Variants in PPP1R7 observed in about 807,000 individuals in gnomAD.
The protein encoded by PPP1R7 is protein phosphatase 1 regulatory subunit 22.
PPP1R7 carries 18 observed loss-of-function variants against 45.2 expected under a neutral mutation model. That is an observed-to-expected ratio of 0.40 (90% CI 0.28 to 0.59). PPP1R7 has a LOEUF of 0.59. PPP1R7 is among the 20% of genes least tolerant of loss of function. PPP1R7 has a pLI of 0.46. For missense variants in PPP1R7, 314 were observed against 455.8 expected (o/e 0.69, Z 2.83); for synonymous variants, 181 against 183.4 (o/e 0.99, Z 0.11).
upstream of PPP1R7, chr2:241,149,925 G>A: frequency 7.0e-7 from 1 of 1,430,576 alleles, no homozygotes; most frequent in Non-Finnish European, 9.1e-7. Context: ...CTGCCCGCCT[G>A]CTCCGAGCGT....
At chr2:241,171,554 C>T (rs1476745401) in intron 9 of PPP1R7, among the ~76,000 whole-genome samples, 1 of 152,194 alleles carries the variant, frequency 6.6e-6, no homozygotes, top group Admixed American at 6.5e-5. Context: ...GAAAACCAGT[C>T]TTAACAAGTT....
At chr2:241,165,153 T>G (rs2067677587) in intron 7 of PPP1R7, among the ~76,000 whole-genome samples, 1 of 152,208 alleles carries the variant, frequency 6.6e-6, no homozygotes, top group South Asian at 2.1e-4. Flanking sequence ...ATGTATCTTT[T>G]AACAATGAGT....
chr2:241,178,221 A>G (rs188212769), intron 9 of PPP1R7, among the ~76,000 whole-genome samples: 4 of 152,304 alleles, frequency 2.6e-5, no homozygotes, highest in Admixed American at 2.6e-4. Flanking sequence ...CCTTCAGTCT[A>G]GTGATGGCCA....
upstream of PPP1R7, chr2:241,150,314 A>G: frequency 7.5e-7 from 1 of 1,330,046 alleles, no homozygotes; most frequent in Non-Finnish European, 9.6e-7. Flanking sequence ...GCTCTGGGGG[A>G]GGCGCGGCGC....
chr2:241,158,685 G>A, intron 4 of PPP1R7, 136 bp downstream of exon 4: 1 of 805,432 alleles, frequency 1.2e-6, no homozygotes, highest in Non-Finnish European at 2.0e-6. Context: ...CTTGTAGCAG[G>A]CCTTTCTTTA....
chr2:241,163,471 G>A, intron 7 of PPP1R7, 70 bp downstream of exon 7: 1 of 1,080,954 alleles, frequency 9.3e-7, no homozygotes, highest in Non-Finnish European at 1.4e-6. Context: ...CACAATCTTA[G>A]TTTTTATCCT....
chr2:241,160,632 A>G (rs1234156299), intron 6 of PPP1R7, 138 bp downstream of exon 6: 2 of 843,050 alleles, frequency 2.4e-6, no homozygotes, highest in Non-Finnish European at 3.5e-6. Flanking sequence ...GAACAAGGAA[A>G]TTACTATTTT....
rs778183932 is a variant in PPP1R7, at chr2:241,166,444, A to G, written c.819+3A>G. On this transcript the variant is annotated splice_donor_region_variant and intron_variant, in intron 8 of 9. Transcript: ENST00000234038. ...TCATCGAGGGCCTGGAGAACAATGT[A>G]AGACACCCACTGTCTGTCTGGGGCT... The G allele has an allele frequency of 1.2e-6, 2 of 1,612,782 alleles. No homozygotes were observed. The highest frequency in any genetic ancestry group is 1.7e-6 in the Non-Finnish European group (2 of 1,179,278).
chr2:241,173,990 C>T (rs752391816), intron 9 of PPP1R7, among the ~76,000 whole-genome samples: 4 of 150,514 alleles, frequency 2.7e-5, no homozygotes, highest in South Asian at 2.1e-4. Flanking sequence ...TCCTTCTTCA[C>T]GTCTTGTAAT....
chr2:241,178,022 C>G (rs994243366), intron 9 of PPP1R7, among the ~76,000 whole-genome samples: 18 of 152,238 alleles, frequency 1.2e-4, no homozygotes, highest in African/African-American at 4.3e-4. Context: ...CTTCCTCAGC[C>G]CTCTTGATGG....
rs13399518 is a variant in PPP1R7 at position 241,172,560 on chromosome 2, C to T, written c.906+2693C>T. ...TCAGGAGGCTAAGGCACGACAATCACTTGAACCTGGCAAGTGGAGATTGCA... is the reference window on the plus strand; with the variant it reads ...TCAGGAGGCTAAGGCACGACAATCATTTGAACCTGGCAAGTGGAGATTGCA... On this transcript the variant is annotated intron_variant, in intron 9 of 9. Coordinates refer to ENST00000234038, the MANE Select transcript of PPP1R7 (RefSeq NM_002712.3). Among the ~76,000 whole-genome samples, 1,361 of 151,834 alleles carry T rather than the reference C, an allele frequency of 9.0e-3. 24 individuals carry two copies. The highest frequency in any genetic ancestry group is 0.03 in the African/African-American group (1,262 of 41,414).
At chr2:241,177,630 G>T (rs768248342) in intron 9 of PPP1R7, among the ~76,000 whole-genome samples, 1 of 152,182 alleles carries the variant, frequency 6.6e-6, no homozygotes, top group Non-Finnish European at 1.5e-5. Flanking sequence ...ATAGGTGGAG[G>T]ATAGCAATAC....
At chr2:241,150,432 C>A (rs114714733), upstream of PPP1R7, 14 of 1,357,810 alleles carry the variant, frequency 1.0e-5, no homozygotes, top group Non-Finnish European at 1.3e-5. Context: ...GGCTCTGAGG[C>A]GGGAGCCCTG....
In PPP1R7 at chr2:241,159,323, G is replaced by A; in HGVS notation, c.414G>A (p.Leu138=). The change falls in exon 5 of 10, where the codon CTG becomes CTA. Residue 138 remains leucine, a synonymous_variant. Coordinates refer to ENST00000234038, the MANE Select transcript of PPP1R7 (RefSeq NM_002712.3). ...YDNQIKKIEN[L]EALTELEILD... is the part of the protein sequence containing the mutation. ...ACCAGATCAAGAAGATTGAGAATCT[G>A]GAGGCGCTAACAGAGCTGGAGTGAG... 1 of 1,613,532 alleles carries A rather than the reference G, an allele frequency of 6.2e-7. No homozygotes were observed. Among genetic ancestry groups the A allele is most frequent in the East Asian group, 2.2e-5 (1 of 44,840 alleles).
intron 9 of PPP1R7, among the ~76,000 whole-genome samples, chr2:241,178,691 C>T (rs1323063075): frequency 7.2e-6 from 1 of 138,220 alleles, no homozygotes; most frequent in Non-Finnish European, 1.6e-5. Flanking sequence ...GGCGCAATCT[C>T]CGCTCACTGT....
At chr2:241,175,338 T>C (rs2067892372) in intron 9 of PPP1R7, among the ~76,000 whole-genome samples, 1 of 152,176 alleles carries the variant, frequency 6.6e-6, no homozygotes, top group South Asian at 2.1e-4. Flanking sequence ...AATAACTCCC[T>C]ATTTTCCCCT....
At chr2:241,168,529 T>C (rs1053519662) in intron 8 of PPP1R7, among the ~76,000 whole-genome samples, 1 of 152,160 alleles carries the variant, frequency 6.6e-6, no homozygotes, top group African/African-American at 2.4e-5. Flanking sequence ...TTCTGCAACA[T>C]TTTCCTGCAG....
rs769030604 is a variant in PPP1R7, at chr2:241,157,759, C to T, written c.182-48C>T. ...GCCAGAAGCAGCTCTTCACCAGTGC[C>T]TCCTGTTAATGGGGTTCTGAACAAA... On this transcript the variant is annotated intron_variant, in intron 2 of 9. Coordinates refer to ENST00000234038, the MANE Select transcript of PPP1R7 (RefSeq NM_002712.3). 6 of 1,569,268 alleles carry T rather than the reference C, an allele frequency of 3.8e-6. No individual in the cohort carries two copies. The East Asian group carries it at 1.1e-4, about 29-fold the overall frequency.
Position 241,167,169 on chromosome 2 carries a change from A to G in PPP1R7, c.819+728A>G, listed in dbSNP as rs1575398951. On this transcript the variant is annotated intron_variant, in intron 8 of 9. Coordinates refer to ENST00000234038, the MANE Select transcript of PPP1R7 (RefSeq NM_002712.3). The stretch of plus-strand genomic sequence containing the variant: ...CAAGACAAATAAAAGACTTTTTCTC[A>G]TTCAATTTTACTTGTTTTTTTCTGT... 5 of 1,192,288 alleles carry G rather than the reference A, an allele frequency of 4.2e-6. No individual in the cohort carries two copies. In the African/African-American group the frequency reaches 4.6e-5, roughly 11 times the overall value. The allele number at this position is 1,192,288 out of a possible 1,614,324, so 73.9% of individuals were successfully genotyped here. A position where few individuals can be genotyped will look rare whatever the true frequency, so the allele number is the denominator to read the frequency against.
Sources: allele counts gnomAD v4.1 joint callset (sites outside exome capture counted in the v4.1 genomes callset), GRCh38; gene constraint gnomAD v4.1.1; transcripts MANE v1.5; gene names NCBI Gene and HGNC (gene_info 2026-07-23, HGNC 2026-07-21).